Variants in FAM178B observed in about 807,000 individuals in gnomAD.
The protein encoded by FAM178B is family with sequence similarity 178 member B.
In FAM178B, 82 loss-of-function variants were observed where a neutral mutation model predicts 91.7. That is an observed-to-expected ratio of 0.89 (90% CI 0.75 to 1.07). FAM178B has a LOEUF of 1.07. Among genes scored for constraint, FAM178B ranks in the 50% least tolerant of loss-of-function variants. The pLI is 0.00. For synonymous variants in FAM178B, 368 were observed against 359.4 expected, an observed-to-expected ratio of 1.02 and a Z score of -0.27; for missense variants, 769 against 846.7, an observed-to-expected ratio of 0.91 and a Z score of 1.14.
Position 96,970,763 on chromosome 2 carries a change from GC to G in FAM178B, c.578del (p.Gly193AlafsTer92). ...CCAGGTTGTTGAAGTAGCTTCCTGAGCCCCCCCAGGAAAACTGGAGAAACAG... is the reference window on the plus strand; with the variant it reads ...CCAGGTTGTTGAAGTAGCTTCCTGAGCCCCCCAGGAAAACTGGAGAAACAG... ...QAAAPEFSWG[G>X]SGSYFNNLDY... On this transcript the variant is annotated frameshift_variant, in exon 4 of 17. Transcript: ENST00000490605. LOFTEE classifies it high-confidence loss of function. 2.6e-6 allele frequency: 4 copies of G among 1,550,850 alleles called. No homozygotes were observed. Among genetic ancestry groups the G allele is most frequent in the East Asian group, 2.4e-5 (1 of 40,910 alleles).
chr2:96,980,013 T>G (rs184799353), intron 1 of FAM178B, among the ~76,000 whole-genome samples: 1 of 152,216 alleles, frequency 6.6e-6, no homozygotes, highest in Non-Finnish European at 1.5e-5. Flanking sequence ...ATACTTGAGA[T>G]TGCTGGTATC....
chr2:96,876,677 A>C (rs1007238991), intron 16 of FAM178B, among the ~76,000 whole-genome samples: 3 of 151,704 alleles, frequency 2.0e-5, no homozygotes, highest in Non-Finnish European at 4.4e-5. Context: ...GCCTGTGGCC[A>C]GTGTGTCAGA....
At chr2:96,950,521 G>A (rs575182707) in intron 7 of FAM178B, among the ~76,000 whole-genome samples, 3 of 152,190 alleles carry the variant, frequency 2.0e-5, no homozygotes, top group Non-Finnish European at 4.4e-5. Context: ...TGATGGCTCT[G>A]ATTTACAGCT....
intron 14 of FAM178B, among the ~76,000 whole-genome samples, chr2:96,889,347 C>T (rs1370426581): frequency 6.6e-6 from 1 of 152,150 alleles, no homozygotes. Flanking sequence ...CCTCCCAAAT[C>T]CCTAAGGGGA....
intron 5 of FAM178B, among the ~76,000 whole-genome samples, chr2:96,962,419 ACTT>A (rs1417106465): frequency 3.6e-5 from 4 of 110,348 alleles, no homozygotes; most frequent in African/African-American, 1.5e-4. Context: ...ACAGTGCAAG[ACTT>A]CGTCTCAAGA....
chr2:96,979,988 G>A (rs1468894344), intron 1 of FAM178B, among the ~76,000 whole-genome samples: 2 of 152,152 alleles, frequency 1.3e-5, no homozygotes, highest in Non-Finnish European at 2.9e-5. Flanking sequence ...GAATTCTCCT[G>A]TTCCATCCTT....
intron 16 of FAM178B, 163 bp downstream of exon 16, chr2:96,877,727 G>A: frequency 1.5e-6 from 1 of 655,576 alleles, no homozygotes; most frequent in Non-Finnish European, 2.6e-6. Flanking sequence ...GAATGATGAA[G>A]GCCCCTCAAG....
chr2:96,952,622 A>G (rs1184775717), intron 6 of FAM178B, among the ~76,000 whole-genome samples: 1 of 152,198 alleles, frequency 6.6e-6, no homozygotes, highest in Non-Finnish European at 1.5e-5. Flanking sequence ...GGCCTCTGGT[A>G]GAAGGTGCTT....
chr2:96,977,956 A>AGGGGGGGGGGGGGGGGGTGGG, intron 1 of FAM178B: 1 of 349,154 alleles, frequency 2.9e-6, no homozygotes, highest in South Asian at 1.9e-5. Flanking sequence ...CGGGCGGGGG[A>AGGGGGGGGGGGGGGGGGTGGG]GGGGGGCGAC....
At chr2:96,948,016 A>T (rs543171334) in intron 7 of FAM178B, 114 bp from the exon 8 acceptor site, 1 of 628,868 alleles carries the variant, frequency 1.6e-6, no homozygotes, top group East Asian at 2.8e-5. Context: ...TAATTCTCAT[A>T]AGTCTGTGTG....
At chr2:96,955,384 G>A (rs9324210) in intron 6 of FAM178B, among the ~76,000 whole-genome samples, 74,290 of 151,924 alleles carry the variant, frequency 0.49, 22,328 homozygotes, top group Non-Finnish European at 0.69. Context: ...GGTGGTGGGC[G>A]CCTGTAGGCC....
chr2:96,977,844 G>C (rs775189708), intron 1 of FAM178B: 3 of 451,696 alleles, frequency 6.6e-6, no homozygotes, highest in Non-Finnish European at 1.3e-5. Context: ...CAGCGTTGAC[G>C]GTTTTTGCTG....
At chr2:96,940,359 G>A (rs929410291) in intron 8 of FAM178B, among the ~76,000 whole-genome samples, 2 of 152,200 alleles carry the variant, frequency 1.3e-5, no homozygotes, top group Non-Finnish European at 2.9e-5. Flanking sequence ...CACTCCAGGG[G>A]CTCTGACTGG....
intron 8 of FAM178B, among the ~76,000 whole-genome samples, chr2:96,933,104 G>T (rs1035574187): frequency 6.9e-6 from 1 of 144,842 alleles, no homozygotes; most frequent in Non-Finnish European, 1.5e-5. Context: ...TTAGCCGGGC[G>T]TGGTAGTGCA....
intron 8 of FAM178B, among the ~76,000 whole-genome samples, chr2:96,936,515 G>GT (rs202100606): frequency 2.1e-3 from 268 of 125,624 alleles, no homozygotes; most frequent in South Asian, 4.4e-3. Flanking sequence ...TTTTTTGGTT[G>GT]TTTTTTTTTT....
At chr2:96,957,676 G>A (rs1796043) in intron 6 of FAM178B, among the ~76,000 whole-genome samples, 72,652 of 152,070 alleles carry the variant, frequency 0.48, 22,093 homozygotes, top group Non-Finnish European at 0.69. Flanking sequence ...CCAGGAAGAC[G>A]CCTTCCTTTC....
intron 1 of FAM178B, among the ~76,000 whole-genome samples, chr2:96,973,437 G>C (rs1032658137): frequency 8.5e-5 from 13 of 152,120 alleles, no homozygotes; most frequent in African/African-American, 2.7e-4. Context: ...TGATTTAAGA[G>C]GCCCTGGGGC....
chr2:96,983,789 C>G (rs1162994733), intron 1 of FAM178B, among the ~76,000 whole-genome samples: 1 of 152,154 alleles, frequency 6.6e-6, no homozygotes, highest in Non-Finnish European at 1.5e-5. Flanking sequence ...AAATCATCCA[C>G]GAACTACTGC....
chr2:96,960,356 G>A lies in FAM178B; in HGVS notation c.819C>T (p.His273=). 1 of 1,551,842 alleles carries A rather than the reference G, an allele frequency of 6.4e-7. No individual in the cohort carries two copies. The highest frequency in any genetic ancestry group is 8.7e-7 in the Non-Finnish European group (1 of 1,147,016). Residue 273 remains histidine (H), a synonymous_variant, in exon 6 of 17, where the codon CAC becomes CAT. Transcript: ENST00000490605. ...AGGAGTCCAGGATGCATGGCAGGGG[G>A]TGACACCTGGGCAGAAACACAGTCT... The part of the protein sequence containing the change: ...PGETVFLPRC[H]PLPCILDSSL...
Sources: allele counts gnomAD v4.1 joint callset (sites outside exome capture counted in the v4.1 genomes callset), GRCh38; gene constraint gnomAD v4.1.1; transcripts MANE v1.5; gene names NCBI Gene and HGNC (gene_info 2026-07-23, HGNC 2026-07-21).